Variants in VMP1 observed in about 807,000 individuals in gnomAD.
The protein encoded by VMP1 is ectopic P-granules autophagy protein 3 homolog.
VMP1 carries 11 observed loss-of-function variants against 56.0 expected under a neutral mutation model. That is an observed-to-expected ratio of 0.20 (90% CI 0.12 to 0.32). The LOEUF is 0.32. Among genes scored for constraint, VMP1 ranks in the 10% least tolerant of loss-of-function variants. VMP1 has a pLI of 1.00. For missense variants in VMP1, 296 were observed against 490.3 expected (o/e 0.60, Z 3.74); for synonymous variants, 149 against 165.0 (o/e 0.90, Z 0.74).
chr17:59,743,494 T>A (rs1334124763), intron 5 of VMP1, among the ~76,000 whole-genome samples: 2 of 151,988 alleles, frequency 1.3e-5, no homozygotes, highest in Non-Finnish European at 2.9e-5. Context: ...CACCCGTTTG[T>A]GTATCCATTC....
At chr17:59,790,864 C>T (rs912126171) in intron 7 of VMP1, among the ~76,000 whole-genome samples, 12 of 152,122 alleles carry the variant, frequency 7.9e-5, no homozygotes, top group South Asian at 6.2e-4. Context: ...CTTCTCATTT[C>T]CTCTCATATT....
chr17:59,762,020 C>T (rs2036073036), intron 5 of VMP1, among the ~76,000 whole-genome samples: 1 of 152,198 alleles, frequency 6.6e-6, no homozygotes, highest in Non-Finnish European at 1.5e-5. Context: ...AAGCCAGAGT[C>T]AATGTATGGT....
At chr17:59,820,965 C>CTTTTTTTTTTTTTTTTTTTTTTTTTTT (rs201428600) in intron 10 of VMP1, among the ~76,000 whole-genome samples, 1 of 146,634 alleles carries the variant, frequency 6.8e-6, no homozygotes, top group African/African-American at 2.5e-5. Context: ...GTCTTTCTTT[C>CTTTTTTTTTTTTTTTTTTTTTTTTTTT]TTTTTTTTGT....
At chr17:59,772,037 A>G (rs2036445536) in intron 6 of VMP1, among the ~76,000 whole-genome samples, 1 of 151,166 alleles carries the variant, frequency 6.6e-6, no homozygotes, top group Admixed American at 6.6e-5. Context: ...TTTTGGAGAT[A>G]GAGTCTCGCT....
chr17:59,819,648 TTCACCACATTGGTCAGGCTGGTC>T lies in VMP1; in HGVS notation c.974+1879_974+1901del, dbSNP rs1319791328. ...TTTGTATTTTTAGTAGAGTTAGGGT[TTCACCACATTGGTCAGGCTGGTC>T]TCAAACTCCTGACCTGGTGATCCGC... On this transcript the variant is annotated intron_variant, in intron 10 of 11. Transcript: ENST00000262291. Among the ~76,000 whole-genome samples the T allele has an allele frequency of 2.6e-5, 4 of 152,148 alleles. No individual in the cohort carries two copies. In the South Asian group the frequency reaches 6.2e-4, roughly 24 times the overall value.
At chr17:59,811,260 T>G (rs780505556) in intron 8 of VMP1, among the ~76,000 whole-genome samples, 5 of 152,206 alleles carry the variant, frequency 3.3e-5, no homozygotes, top group Non-Finnish European at 5.9e-5. Context: ...TGAAACAATC[T>G]TAAGGCTCTT....
chr17:59,821,857 T>G (rs1408111265), intron 10 of VMP1, among the ~76,000 whole-genome samples: 1 of 151,218 alleles, frequency 6.6e-6, no homozygotes, highest in African/African-American at 2.4e-5. Flanking sequence ...GCCTTTTTTT[T>G]TTTGAGATGG....
intron 1 of VMP1, among the ~76,000 whole-genome samples, chr17:59,719,296 G>GTGAC (rs1266235113): frequency 2.0e-5 from 3 of 148,674 alleles, no homozygotes; most frequent in Non-Finnish European, 3.0e-5. Flanking sequence ...TCTAGCCTGA[G>GTGAC]TGACAGAGGA....
At chr17:59,815,582 G>A (rs546801675) in intron 9 of VMP1, among the ~76,000 whole-genome samples, 2 of 152,198 alleles carry the variant, frequency 1.3e-5, no homozygotes, top group Admixed American at 6.5e-5. Context: ...GGCCGGGTGC[G>A]GTGGCTCACG....
At chr17:59,741,097 G>A (rs2035210253) in intron 5 of VMP1, among the ~76,000 whole-genome samples, 1 of 152,198 alleles carries the variant, frequency 6.6e-6, no homozygotes, top group African/African-American at 2.4e-5. Context: ...TCAGGAGGCT[G>A]AAGCGAGAGG....
At chr17:59,768,609 A>G (rs1481430747) in intron 6 of VMP1, among the ~76,000 whole-genome samples, 1 of 152,056 alleles carries the variant, frequency 6.6e-6, no homozygotes, top group Non-Finnish European at 1.5e-5. Flanking sequence ...TCTCAAAGAA[A>G]AAAAAACAAG....
intron 5 of VMP1, among the ~76,000 whole-genome samples, chr17:59,744,462 CA>C (rs60407542): frequency 0.093 from 5,012 of 53,840 alleles, 196 homozygotes; most frequent in African/African-American, 0.23. Context: ...AATTCCATCT[CA>C]AAAAAAAAAA....
At chr17:59,781,224 T>C (rs1195473465) in intron 7 of VMP1, among the ~76,000 whole-genome samples, 1 of 152,192 alleles carries the variant, frequency 6.6e-6, no homozygotes, top group Non-Finnish European at 1.5e-5. Flanking sequence ...GAATTTGTTT[T>C]AGGCCCTTTG....
intron 1 of VMP1, among the ~76,000 whole-genome samples, chr17:59,721,161 C>G (rs1598288479): frequency 6.6e-6 from 1 of 151,932 alleles, no homozygotes; most frequent in African/African-American, 2.4e-5. Flanking sequence ...GCCTGGCCAA[C>G]ATGGTGAAAC....
At chr17:59,787,142 G>A (rs1366234220) in intron 7 of VMP1, among the ~76,000 whole-genome samples, 1 of 152,112 alleles carries the variant, frequency 6.6e-6, no homozygotes, top group Non-Finnish European at 1.5e-5. Context: ...CGGTACCAAA[G>A]GTCACTTACT....
intron 5 of VMP1, among the ~76,000 whole-genome samples, chr17:59,741,813 T>C (rs2035236879): frequency 6.6e-6 from 1 of 152,228 alleles, no homozygotes; most frequent in Admixed American, 6.5e-5. Context: ...TGTTATTAAC[T>C]ATAGTCCTCA....
chr17:59,802,494 A>G (rs1361616254), intron 7 of VMP1, among the ~76,000 whole-genome samples: 1 of 152,202 alleles, frequency 6.6e-6, no homozygotes, highest in Non-Finnish European at 1.5e-5. Flanking sequence ...AAAGGCAGGT[A>G]ATTTAAACTT....
chr17:59,765,315 A>G (rs2036192817), intron 6 of VMP1, among the ~76,000 whole-genome samples, 177 bp downstream of exon 6: 1 of 152,236 alleles, frequency 6.6e-6, no homozygotes, highest in African/African-American at 2.4e-5. Context: ...CATGAATGGC[A>G]TTGAGAAGAA....
At chr17:59,720,914 G>C (rs745545103) in intron 1 of VMP1, among the ~76,000 whole-genome samples, 1 of 151,856 alleles carries the variant, frequency 6.6e-6, no homozygotes, top group Non-Finnish European at 1.5e-5. Context: ...CAGAGGTTGC[G>C]GTGAGCCGAG....
Sources: allele counts gnomAD v4.1 joint callset (sites outside exome capture counted in the v4.1 genomes callset), GRCh38; gene constraint gnomAD v4.1.1; transcripts MANE v1.5; gene names NCBI Gene and HGNC (gene_info 2026-07-23, HGNC 2026-07-21).